The following KCNIP1 variants were observed in gnomAD, a reference collection of about 807,000 sequenced individuals.
The protein encoded by KCNIP1 is A-type potassium channel modulatory protein KCNIP1.
Under a neutral mutation model 33.0 loss-of-function variants are expected in KCNIP1, and 18 were observed. The ratio of observed to expected loss-of-function variants is 0.55; its 90% CI spans 0.38 to 0.81. The LOEUF is 0.81. Ranked by LOEUF, KCNIP1 falls within the 30% of genes least tolerant of loss-of-function variation. The probability of loss-of-function intolerance (pLI) is 0.00; values close to 1 mark genes in which losing one functional copy is unlikely to be tolerated. For missense variants in KCNIP1, 238 were observed against 271.6 expected (o/e 0.88, Z 0.87); for synonymous variants, 93 against 98.3 (o/e 0.95, Z 0.32).
chr5:170,397,549 GACTCTAA>G (rs1401261636), intron 1 of KCNIP1, among the ~76,000 whole-genome samples: 4 of 152,206 alleles, frequency 2.6e-5, no homozygotes, highest in African/African-American at 7.2e-5. Flanking sequence ...TGTAGGTAGG[GACTCTAA>G]ACATTTGTAA....
intron 1 of KCNIP1, among the ~76,000 whole-genome samples, chr5:170,670,647 CT>C (rs1761881999): frequency 6.6e-6 from 1 of 152,194 alleles, no homozygotes; most frequent in Non-Finnish European, 1.5e-5. Flanking sequence ...AATCCCAGCA[CT>C]TTGGGAGGCT....
In KCNIP1 at chr5:170,610,917, C is replaced by T. The variant is rs141863276; in HGVS notation, c.61+106284C>T. ...AAACTTACTGAGTACCTAGTATGTGCGGGGTTCTTTCACTTATATCATTTG... is the reference window on the plus strand; with the variant it reads ...AAACTTACTGAGTACCTAGTATGTGTGGGGTTCTTTCACTTATATCATTTG... On this transcript the variant is annotated intron_variant, in intron 1 of 7. Transcript: ENST00000328939. Among the ~76,000 whole-genome samples the T allele has an allele frequency of 9.3e-4, 142 of 152,278 alleles. 1 individual carries two copies. The highest frequency in any genetic ancestry group is 3.1e-3 in the African/African-American group (129 of 41,544).
rs950298717 is a variant in KCNIP1, at chr5:170,504,980, A to G, written c.61+347A>G. On this transcript the variant is annotated intron_variant, in intron 1 of 7. Coordinates refer to ENST00000328939, the MANE Select transcript of KCNIP1 (RefSeq NM_014592.4). This position sits in a 1 kb window ranked among gnomAD's most constrained non-coding sequence, Gnocchi z 6.0. ...GTGTGGTGAAGCTCTTCCCATTCCC[A>G]TGACAGCTGGCGTTTGAGCACTCAG... Among the ~76,000 whole-genome samples the G allele has an allele frequency of 2.6e-5, 4 of 152,168 alleles. No homozygotes were observed. Among genetic ancestry groups the G allele is most frequent in the African/African-American group, 9.7e-5 (4 of 41,438 alleles).
intron 1 of KCNIP1, among the ~76,000 whole-genome samples, chr5:170,580,365 CTT>C (rs1757746148): frequency 6.6e-6 from 1 of 152,224 alleles, no homozygotes; most frequent in South Asian, 2.1e-4. Flanking sequence ...CTGTACATGT[CTT>C]AGCCAACTTC....
rs935986826 is a variant in KCNIP1, at chr5:170,569,730, C to T, written c.61+65097C>T. ...ATGCCCTCCAGCCTGGGAGACAGAA[C>T]GAAGCCCTGTCTCTAATTTTTTTTT... On this transcript the variant is annotated intron_variant, in intron 1 of 7. Transcript: ENST00000328939. 3.9e-5 allele frequency among the ~76,000 whole-genome samples: 6 copies of T among 152,038 alleles called. No individual in the cohort carries two copies. The South Asian group carries it at 8.3e-4, about 21-fold the overall frequency.
At chr5:170,366,718 G>A (rs965854067) in intron 1 of KCNIP1, among the ~76,000 whole-genome samples, 4 of 152,186 alleles carry the variant, frequency 2.6e-5, no homozygotes, top group South Asian at 2.1e-4. Flanking sequence ...CCCTCAAAAC[G>A]GAGCCTCCTC....
At chr5:170,617,011 C>T (rs1015601573) in intron 1 of KCNIP1, among the ~76,000 whole-genome samples, 3 of 151,740 alleles carry the variant, frequency 2.0e-5, no homozygotes, top group Non-Finnish European at 2.9e-5. Context: ...TCTAATCTGT[C>T]GCCTCCACCA....
At chr5:170,637,243 C>T (rs1760321302) in intron 1 of KCNIP1, among the ~76,000 whole-genome samples, 1 of 152,054 alleles carries the variant, frequency 6.6e-6, no homozygotes, top group Admixed American at 6.5e-5. Flanking sequence ...ACACCCTCTA[C>T]CCACCCCTGC....
intron 1 of KCNIP1, among the ~76,000 whole-genome samples, chr5:170,663,219 C>G (rs1038558122): frequency 4.6e-5 from 7 of 152,200 alleles, no homozygotes; most frequent in Admixed American, 4.6e-4. Flanking sequence ...CATGGTCACA[C>G]AGTTGCTAAA....
intron 1 of KCNIP1, among the ~76,000 whole-genome samples, chr5:170,542,222 T>C (rs1756237864): frequency 1.3e-5 from 2 of 152,132 alleles, no homozygotes; most frequent in Admixed American, 1.3e-4. Flanking sequence ...CGTGACCCCC[T>C]GGAGAGAGAA....
At chr5:170,499,706 A>T (rs180759287), upstream of KCNIP1, among the ~76,000 whole-genome samples, 1 of 152,338 alleles carries the variant, frequency 6.6e-6, no homozygotes, top group African/African-American at 2.4e-5. Flanking sequence ...GGGAGGAAGA[A>T]ATAAATTAAG....
At chr5:170,438,089 A>G (rs1755906268) in intron 1 of KCNIP1, among the ~76,000 whole-genome samples, 1 of 152,156 alleles carries the variant, frequency 6.6e-6, no homozygotes, top group African/African-American at 2.4e-5. Context: ...GGCTTTATCG[A>G]GAGGCTCTGG....
At chr5:170,680,102 C>T (rs1762280036) in intron 1 of KCNIP1, among the ~76,000 whole-genome samples, 1 of 152,112 alleles carries the variant, frequency 6.6e-6, no homozygotes, top group Non-Finnish European at 1.5e-5. Flanking sequence ...GTGTGAAGTG[C>T]CTGCTCTGTT....
At chr5:170,735,683 A>T (rs1023660435) in intron 7 of KCNIP1, 76 bp from the exon 8 acceptor site, 2 of 1,284,820 alleles carry the variant, frequency 1.6e-6, no homozygotes, top group South Asian at 2.4e-5. Context: ...CATGCTTGAC[A>T]TTTGCTCACC....
intron 1 of KCNIP1, among the ~76,000 whole-genome samples, chr5:170,362,264 G>A (rs574133678): frequency 5.3e-5 from 8 of 152,256 alleles, no homozygotes; most frequent in Non-Finnish European, 8.8e-5. Context: ...AAGCCTAGGC[G>A]GTCTGGCCCC....
At chr5:170,567,401 G>T (rs1273421110) in intron 1 of KCNIP1, among the ~76,000 whole-genome samples, 1 of 152,190 alleles carries the variant, frequency 6.6e-6, no homozygotes, top group Non-Finnish European at 1.5e-5. Context: ...CCAAACATCA[G>T]ATGGGAAGCT....
At position 170,720,309 on chromosome 5, in the gene KCNIP1, C is replaced by T. The variant is rs1219115017; in HGVS notation, c.187-12C>T. The T allele has an allele frequency of 5.0e-6, 8 of 1,610,876 alleles. No individual in the cohort carries two copies. Among genetic ancestry groups the T allele is most frequent in the South Asian group, 1.1e-5 (1 of 90,992 alleles). ...TCAAATGCCTCCCGCTGACTCTCTC[C>T]CCTTCCCACAGGAGTGCCCCAGTGG... On this transcript the variant is annotated splice_polypyrimidine_tract_variant and intron_variant, in intron 2 of 7. Transcript: ENST00000328939.
intron 1 of KCNIP1, among the ~76,000 whole-genome samples, chr5:170,587,421 C>CAAAAAAACAAAAAAAAAA (rs1758037621): frequency 1.4e-5 from 1 of 70,348 alleles, no homozygotes; most frequent in Non-Finnish European, 2.7e-5. Flanking sequence ...GACTCTGTCT[C>CAAAAAAACAAAAAAAAAA]AAAAAAAAAA....
chr5:170,388,068 T>G (rs1388551725), intron 1 of KCNIP1, among the ~76,000 whole-genome samples: 2 of 152,222 alleles, frequency 1.3e-5, no homozygotes, highest in Non-Finnish European at 2.9e-5. Flanking sequence ...TGGCTTCTAG[T>G]GCCCTCTCAG....
Sources: gnomAD v4.1 joint callset for allele counts (sites outside exome capture counted in the v4.1 genomes callset) on GRCh38, gnomAD v4.1.1 for gene constraint, Gnocchi (gnomAD v3.1) non-coding constraint, MANE v1.5 for transcripts, NCBI Gene and HGNC (gene_info 2026-07-23, HGNC 2026-07-21) for gene names.